Variants in ARMH4 observed in about 807,000 individuals in gnomAD.
The protein encoded by ARMH4 is armadillo-like helical domain-containing protein 4.
ARMH4 carries 49 observed loss-of-function variants against 61.9 expected under a neutral mutation model. The observed-to-expected ratio is 0.79, with a 90% confidence interval of 0.63 to 1.00. The LOEUF is 1.00. Ranked by LOEUF, ARMH4 falls within the 50% of genes least tolerant of loss-of-function variation. The pLI is 0.00. For missense variants in ARMH4, 934 were observed against 930.0 expected, an observed-to-expected ratio of 1.00 and a Z score of -0.06; for synonymous variants, 368 against 341.5, an observed-to-expected ratio of 1.08 and a Z score of -0.85.
At chr14:58,144,801 G>A (rs895617458) in intron 1 of ARMH4, among the ~76,000 whole-genome samples, 15 of 152,180 alleles carry the variant, frequency 9.9e-5, no homozygotes, top group Non-Finnish European at 1.6e-4. Flanking sequence ...CCAGGAGGCC[G>A]AGCTTGCCGT....
intron 4 of ARMH4, chr14:58,131,273 C>A: frequency 2.2e-6 from 1 of 450,602 alleles, no homozygotes; most frequent in Non-Finnish European, 3.9e-6. Flanking sequence ...TTTTCTATGT[C>A]ACAAAATATT....
In ARMH4 at chr14:58,133,351, G is replaced by A. The variant is rs1196712938; in HGVS notation, c.1370-10C>T. 23 of 1,594,734 alleles carry A rather than the reference G, an allele frequency of 1.4e-5. No homozygotes were observed. Among genetic ancestry groups the A allele is most frequent in the Non-Finnish European group, 2.0e-5 (23 of 1,171,274 alleles). On this transcript the variant is annotated splice_polypyrimidine_tract_variant and intron_variant, in intron 2 of 7. Coordinates refer to ENST00000267485, the MANE Select transcript of ARMH4 (RefSeq NM_001001872.4). The stretch of plus-strand genomic sequence containing the variant: ...TCTTGAGTGATGATGTCTTAAAGGG[G>A]GGAAAACATTTAAAAATAGACCAAA...
At chr14:58,030,660 T>C (rs1883196544) in intron 5 of ARMH4, among the ~76,000 whole-genome samples, 1 of 152,256 alleles carries the variant, frequency 6.6e-6, no homozygotes, top group South Asian at 2.1e-4. Flanking sequence ...ATCAGCATTC[T>C]GTCTCTATGA....
chr14:58,054,631 C>T (rs1884261040), intron 5 of ARMH4, among the ~76,000 whole-genome samples: 1 of 152,112 alleles, frequency 6.6e-6, no homozygotes, highest in South Asian at 2.1e-4. Flanking sequence ...GGCACAGTGG[C>T]TCATGACTGT....
chr14:58,091,213 CA>C (rs896243416), intron 5 of ARMH4, among the ~76,000 whole-genome samples: 133 of 140,940 alleles, frequency 9.4e-4, no homozygotes, highest in African/African-American at 2.9e-3. Context: ...CTCCATCTCA[CA>C]AAAAAAAAAG....
At chr14:58,148,115 T>G (rs747753006) in intron 1 of ARMH4, among the ~76,000 whole-genome samples, 4 of 152,162 alleles carry the variant, frequency 2.6e-5, no homozygotes, top group Non-Finnish European at 1.5e-5. Flanking sequence ...AGTGGCATGA[T>G]CTCGGCTCAC....
At chr14:58,122,136 ATC>A (rs1042003423) in intron 4 of ARMH4, among the ~76,000 whole-genome samples, 10 of 152,200 alleles carry the variant, frequency 6.6e-5, no homozygotes, top group African/African-American at 2.4e-4. Flanking sequence ...AACATTCATA[ATC>A]TCACACTACA....
chr14:58,104,663 T>C (rs1886111322), intron 4 of ARMH4, among the ~76,000 whole-genome samples: 1 of 152,220 alleles, frequency 6.6e-6, no homozygotes, highest in Admixed American at 6.5e-5. Context: ...CAAAAAAAGA[T>C]ATTATCACCT....
chr14:58,077,307 G>A (rs1300909144), intron 5 of ARMH4, among the ~76,000 whole-genome samples: 1 of 152,168 alleles, frequency 6.6e-6, no homozygotes, highest in Non-Finnish European at 1.5e-5. Flanking sequence ...GAAAAAATTA[G>A]GTAGAATAAG....
intron 5 of ARMH4, among the ~76,000 whole-genome samples, chr14:58,065,873 A>G (rs566341690): frequency 4.6e-5 from 7 of 152,348 alleles, no homozygotes; most frequent in Admixed American, 3.9e-4. Context: ...CATAGCAAGA[A>G]ACTGGGGGCA....
At chr14:58,041,514 T>G (rs1448454521) in intron 5 of ARMH4, among the ~76,000 whole-genome samples, 4 of 152,146 alleles carry the variant, frequency 2.6e-5, no homozygotes, top group African/African-American at 4.8e-5. Flanking sequence ...AGACCATCGA[T>G]GCTAGGAAGA....
intron 5 of ARMH4, among the ~76,000 whole-genome samples, chr14:58,057,574 G>A (rs1364442093): frequency 2.0e-5 from 3 of 146,796 alleles, no homozygotes; most frequent in African/African-American, 5.4e-5. Flanking sequence ...GTGTGTCTGT[G>A]TGTGTGTGTG....
At chr14:58,065,014 C>G (rs550683042) in intron 5 of ARMH4, among the ~76,000 whole-genome samples, 1 of 152,018 alleles carries the variant, frequency 6.6e-6, no homozygotes, top group Non-Finnish European at 1.5e-5. Flanking sequence ...GAGGCCGAGG[C>G]GGGCAGATCA....
intron 4 of ARMH4, among the ~76,000 whole-genome samples, chr14:58,115,523 A>G (rs111931179): frequency 0.029 from 4,399 of 152,310 alleles, 222 homozygotes; most frequent in African/African-American, 0.1. Context: ...GAGATTTCTC[A>G]AAGAACTTAA....
chr14:58,024,467 G>T (rs1377035496), intron 5 of ARMH4, among the ~76,000 whole-genome samples: 1 of 152,134 alleles, frequency 6.6e-6, no homozygotes, highest in Non-Finnish European at 1.5e-5. Flanking sequence ...TTAAGGGAAT[G>T]TTGTGGCTGA....
In ARMH4 at chr14:58,040,917, A is replaced by C. The variant is rs974803670; in HGVS notation, c.2090-28767T>G. 5.2e-5 allele frequency among the ~76,000 whole-genome samples: 8 copies of C among 152,386 alleles called. No individual in the cohort carries two copies. In the South Asian group the frequency reaches 1.4e-3, roughly 28 times the overall value. Reference sequence around the variant, plus strand: ...GCATTTCAAATCAATTTTTGGAAAAAGAACTCATTCAGAAATGTAAAGTAT... The same window carrying C: ...GCATTTCAAATCAATTTTTGGAAAACGAACTCATTCAGAAATGTAAAGTAT... On this transcript the variant is annotated intron_variant, in intron 5 of 7. Transcript: ENST00000267485.
intron 1 of ARMH4, among the ~76,000 whole-genome samples, chr14:58,143,769 T>TTTTA (rs1199003212): frequency 6.4e-5 from 3 of 46,666 alleles, no homozygotes; most frequent in African/African-American, 1.5e-4. Context: ...CATCCTCTTT[T>TTTTA]TTTTTTTTTT....
intron 1 of ARMH4, among the ~76,000 whole-genome samples, chr14:58,143,372 G>A (rs562712190): frequency 2.0e-5 from 3 of 152,316 alleles, no homozygotes; most frequent in South Asian, 2.1e-4. Flanking sequence ...ATAATGAGAC[G>A]GGTGCTAAGT....
chr14:58,078,406 TGA>T (rs1371911947), intron 5 of ARMH4, among the ~76,000 whole-genome samples: 1 of 152,238 alleles, frequency 6.6e-6, no homozygotes, highest in Admixed American at 6.5e-5. Context: ...GTACTGTCTC[TGA>T]GGTGCAGCCA....
Sources: gnomAD v4.1 joint callset for allele counts (sites outside exome capture counted in the v4.1 genomes callset) on GRCh38, gnomAD v4.1.1 for gene constraint, MANE v1.5 for transcripts, NCBI Gene and HGNC (gene_info 2026-07-23, HGNC 2026-07-21) for gene names.